Variants in GPR19 observed in about 807,000 individuals in gnomAD.
The protein encoded by GPR19 is probable G protein-coupled receptor 19.
A neutral mutation model predicts 28.5 loss-of-function variants in GPR19; 14 were observed. The observed-to-expected ratio is 0.49, with a 90% CI of 0.32 to 0.77. The LOEUF (loss-of-function observed/expected upper bound fraction) is 0.77, where lower values mean the gene tolerates loss of function less well. GPR19 is among the 30% of genes least tolerant of loss of function. The pLI is 0.03. For missense variants in GPR19, 409 were observed against 504.1 expected (o/e 0.81, Z 1.81); for synonymous variants, 173 against 184.1 (o/e 0.94, Z 0.49).
intron 3 of GPR19, among the ~76,000 whole-genome samples, chr12:12,683,575 AG>A (rs1212843601): frequency 6.6e-6 from 1 of 152,216 alleles, no homozygotes; most frequent in Admixed American, 6.5e-5. Flanking sequence ...CCTTCCTCAA[AG>A]GGTTGTTATA....
At chr12:12,702,063 A>G in the GPR19 span, among the ~76,000 whole-genome samples, 1 of 151,428 alleles carries the variant, frequency 6.6e-6, no homozygotes, top group South Asian at 2.1e-4. Context: ...TCTGATTTTT[A>G]TATGTAGAAT....
chr12:12,672,392 C>A (rs896798240), intron 3 of GPR19, among the ~76,000 whole-genome samples: 1 of 152,236 alleles, frequency 6.6e-6, no homozygotes, highest in East Asian at 1.9e-4. Flanking sequence ...ACTTCCCTAC[C>A]TCCCTACATT....
At chr12:12,704,625 A>G in the GPR19 span, among the ~76,000 whole-genome samples, 1 of 152,248 alleles carries the variant, frequency 6.6e-6, no homozygotes, top group African/African-American at 2.4e-5. Flanking sequence ...TTAGAGTTCA[A>G]TTAAATTTGG....
At chr12:12,702,759 G>C in the GPR19 span, among the ~76,000 whole-genome samples, 1 of 152,142 alleles carries the variant, frequency 6.6e-6, no homozygotes, top group East Asian at 1.9e-4. Flanking sequence ...TTAAATAATG[G>C]TCATAATGAA....
chr12:12,712,671 C>T, the GPR19 span, among the ~76,000 whole-genome samples: 1 of 152,034 alleles, frequency 6.6e-6, no homozygotes, highest in Non-Finnish European at 1.5e-5. Flanking sequence ...TTGCTTTCTA[C>T]CTCTAGTTTA....
chr12:12,705,993 G>C, the GPR19 span, among the ~76,000 whole-genome samples: 1 of 152,132 alleles, frequency 6.6e-6, no homozygotes, highest in Non-Finnish European at 1.5e-5. Context: ...CCTCACCCCT[G>C]GCCACAGCCT....
chr12:12,696,756 T>C (rs1946268892), upstream of GPR19, among the ~76,000 whole-genome samples: 15 of 152,236 alleles, frequency 9.9e-5, no homozygotes, highest in Admixed American at 9.8e-4. Context: ...CCCGAGCGCC[T>C]TGGTTTGCTC....
chr12:12,709,046 T>TA, the GPR19 span, among the ~76,000 whole-genome samples: 44 of 141,590 alleles, frequency 3.1e-4, no homozygotes, highest in African/African-American at 7.5e-4. Flanking sequence ...AGACTCCGTC[T>TA]AAAAAAAAAA....
At chr12:12,707,716 T>C in the GPR19 span, among the ~76,000 whole-genome samples, 2 of 152,146 alleles carry the variant, frequency 1.3e-5, no homozygotes, top group African/African-American at 4.8e-5. Flanking sequence ...AAATTCCATA[T>C]TTTATTTATT....
chr12:12,665,754 G>A (rs1349061331), intron 3 of GPR19, among the ~76,000 whole-genome samples: 2 of 144,048 alleles, frequency 1.4e-5, no homozygotes, highest in Non-Finnish European at 3.0e-5. Flanking sequence ...GGAGAACGGC[G>A]TGAACCCGGG....
intron 2 of GPR19, among the ~76,000 whole-genome samples, chr12:12,693,836 G>A (rs781213417): frequency 4.6e-5 from 7 of 152,076 alleles, no homozygotes; most frequent in South Asian, 2.1e-4. Flanking sequence ...CGGAGTAGTT[G>A]GGATTACAAG....
the GPR19 span, chr12:12,716,793 C>T: frequency 1.0e-6 from 1 of 985,340 alleles, no homozygotes; most frequent in Middle Eastern, 5.2e-4. Flanking sequence ...GCTGAGCGAA[C>T]CATTGCCCAC....
intron 2 of GPR19, among the ~76,000 whole-genome samples, chr12:12,686,993 T>C (rs1043520016): frequency 6.6e-6 from 1 of 152,238 alleles, no homozygotes; most frequent in African/African-American, 2.4e-5. Context: ...GCTTAAAATA[T>C]ATTGCCAAAG....
Position 12,694,167 on chromosome 12 carries a change from T to C in GPR19, c.-180+1292A>G, listed in dbSNP as rs933570200. 4.8e-5 allele frequency among the ~76,000 whole-genome samples: 7 copies of C among 146,924 alleles called. 1 individual carries two copies. Among genetic ancestry groups the C allele is most frequent in the Admixed American group, 4.2e-4 (6 of 14,290 alleles). On this transcript the variant is annotated intron_variant, in intron 2 of 3. Transcript: ENST00000651487. ...AAGCTCCCAAGGTGATTCTAATGTG[T>C]GGGCATGGTAGAGTACCTGTCTTTT...
intron 2 of GPR19, among the ~76,000 whole-genome samples, chr12:12,685,846 T>C (rs1837574657): frequency 6.6e-6 from 1 of 152,208 alleles, no homozygotes; most frequent in South Asian, 2.1e-4. Flanking sequence ...CTCCTCAGGT[T>C]AGAATATCTG....
chr12:12,661,908 T>C lies in GPR19; in HGVS notation c.541A>G (p.Lys181Glu), dbSNP rs1205714779. 1 of 1,614,128 alleles carries C rather than the reference T, an allele frequency of 6.2e-7. No homozygotes were observed. The highest frequency in any genetic ancestry group is 8.5e-7 in the Non-Finnish European group (1 of 1,180,040). Residue 181 changes from lysine (K) to glutamate (E), a missense_variant, in exon 4 of 4, where the codon AAG becomes GAG. Transcript: ENST00000651487. This position sits in a 1 kb window ranked among gnomAD's most constrained non-coding sequence, Gnocchi z 4.2. Reference sequence around the variant, plus strand: ...ACCCACGATGCCGCAATCATTTTCTTGGCTTTTTCTCTGGACACCTTGAAG... The same window carrying C: ...ACCCACGATGCCGCAATCATTTTCTCGGCTTTTTCTCTGGACACCTTGAAG... ...LSFKVSREKA[K>E]KMIAASWVFD...
At chr12:12,701,550 A>T in the GPR19 span, among the ~76,000 whole-genome samples, 1 of 152,162 alleles carries the variant, frequency 6.6e-6, no homozygotes, top group African/African-American at 2.4e-5. Flanking sequence ...TGTCCTTTCT[A>T]TTCACCAAGT....
At chr12:12,666,251 A>G (rs763065400) in intron 3 of GPR19, among the ~76,000 whole-genome samples, 3 of 152,198 alleles carry the variant, frequency 2.0e-5, no homozygotes, top group Non-Finnish European at 2.9e-5. Flanking sequence ...TCCCCTGGTT[A>G]CAATGAGAGG....
chr12:12,708,454 C>T, the GPR19 span, among the ~76,000 whole-genome samples: 13 of 152,090 alleles, frequency 8.5e-5, no homozygotes, highest in African/African-American at 2.7e-4. Flanking sequence ...ATTTGAATCC[C>T]ATTTTCCCCA....
Sources: allele counts gnomAD v4.1 joint callset (sites outside exome capture counted in the v4.1 genomes callset), GRCh38; gene constraint gnomAD v4.1.1; non-coding constraint Gnocchi (gnomAD v3.1); transcripts MANE v1.5; gene names NCBI Gene and HGNC (gene_info 2026-07-23, HGNC 2026-07-21).